CALN1: variants seen among roughly 807,000 people sequenced by gnomAD.
CALN1 encodes calcium-binding protein 8.
In CALN1, 17 loss-of-function variants were observed where a neutral mutation model predicts 30.6. The ratio of observed to expected loss-of-function variants is 0.56; its 90% confidence interval spans 0.38 to 0.83. CALN1 has a LOEUF of 0.83. CALN1 is among the 40% of genes least tolerant of loss of function. The pLI is 0.00. For missense variants in CALN1, 291 were observed against 354.9 expected, an observed-to-expected ratio of 0.82 and a Z score of 1.45; for synonymous variants, 156 against 131.4, an observed-to-expected ratio of 1.19 and a Z score of -1.28.
chr7:72,429,945 G>A (rs936442120), intron 1 of CALN1, among the ~76,000 whole-genome samples: 3 of 150,206 alleles, frequency 2.0e-5, no homozygotes. Context: ...TCTGCCTCCC[G>A]AGTAGCTGGG....
At chr7:72,463,718 G>T in the CALN1 span, among the ~76,000 whole-genome samples, 1 of 151,478 alleles carries the variant, frequency 6.6e-6, no homozygotes, top group East Asian at 2.0e-4. Flanking sequence ...CATCACTACC[G>T]CTGGCAAATT....
intron 5 of CALN1, among the ~76,000 whole-genome samples, chr7:72,006,320 A>G (rs891580335): frequency 3.3e-5 from 5 of 152,218 alleles, no homozygotes; most frequent in African/African-American, 1.2e-4. Context: ...AAGGCTTCTA[A>G]CAAGAAGAGC....
chr7:72,295,354 G>A (rs1798779841), intron 2 of CALN1, among the ~76,000 whole-genome samples: 1 of 152,048 alleles, frequency 6.6e-6, no homozygotes, highest in African/African-American at 2.4e-5. Context: ...TGTAGCAAAG[G>A]AGCATTCATA....
At chr7:72,435,607 GCT>G (rs1320622671) in intron 1 of CALN1, among the ~76,000 whole-genome samples, 1 of 152,168 alleles carries the variant, frequency 6.6e-6, no homozygotes, top group Non-Finnish European at 1.5e-5. Context: ...GGCCAGCAGC[GCT>G]CTGTGAATTT....
At chr7:71,788,885 C>A (rs1028598230) in intron 6 of CALN1, among the ~76,000 whole-genome samples, 3 of 152,052 alleles carry the variant, frequency 2.0e-5, no homozygotes, top group Non-Finnish European at 2.9e-5. Flanking sequence ...ATCTCGATCT[C>A]CTGACCTTGT....
chr7:72,097,408 G>C (rs1356925500), intron 4 of CALN1, among the ~76,000 whole-genome samples: 1 of 152,160 alleles, frequency 6.6e-6, no homozygotes, highest in Admixed American at 6.5e-5. Context: ...GAAGCTCTGA[G>C]ATCACCCAAA....
Position 71,785,153 on chromosome 7 carries a change from A to G in CALN1, c.*2622T>C, listed in dbSNP as rs757948487. 11 of 333,860 alleles carry G rather than the reference A, an allele frequency of 3.3e-5. No homozygotes were observed. Among genetic ancestry groups the G allele is most frequent in the Non-Finnish European group, 4.8e-5 (9 of 185,672 alleles). 20.7% of individuals were successfully genotyped at this position (333,860 alleles called of 1,614,324 possible). A position where few individuals can be genotyped will look rare whatever the true frequency, so the allele number is the denominator to read the frequency against. Reference sequence around the variant, plus strand: ...GAAGATAACTCCTAGGCTGTCAGAAAGAATTCTGTGTCTTCCTTCTTGCCA... The same window carrying G: ...GAAGATAACTCCTAGGCTGTCAGAAGGAATTCTGTGTCTTCCTTCTTGCCA... On this transcript the variant is annotated 3_prime_UTR_variant, in exon 7 of 7. Transcript: ENST00000395275.
chr7:72,061,190 C>T (rs1459663923), intron 4 of CALN1, among the ~76,000 whole-genome samples: 1 of 152,092 alleles, frequency 6.6e-6, no homozygotes, highest in Non-Finnish European at 1.5e-5. Flanking sequence ...TAAAGAAGAG[C>T]CGGGATCTCA....
chr7:72,385,472 A>G lies in CALN1; in HGVS notation c.119+17779T>C, dbSNP rs557728151. ...AATGGAATATTATTCAGTTATAAAA[A>G]GAAATGCCATATTGATATGGTTTGG... On this transcript the variant is annotated intron_variant, in intron 2 of 6. Transcript: ENST00000395275. Among the ~76,000 whole-genome samples the G allele has an allele frequency of 2.0e-5, 3 of 152,338 alleles. No homozygotes were observed. The South Asian group carries it at 6.2e-4, about 32-fold the overall frequency.
intron 4 of CALN1, among the ~76,000 whole-genome samples, chr7:72,054,617 G>A (rs987293380): frequency 6.6e-6 from 1 of 150,416 alleles, no homozygotes; most frequent in African/African-American, 2.4e-5. Context: ...GCAGGAACAT[G>A]AATGGAGCTG....
chr7:71,812,769 G>T (rs1021729315), intron 5 of CALN1, among the ~76,000 whole-genome samples: 10 of 151,782 alleles, frequency 6.6e-5, no homozygotes, highest in Non-Finnish European at 1.2e-4. Flanking sequence ...TTAGAGACAA[G>T]GTCTTGCTCG....
intron 3 of CALN1, among the ~76,000 whole-genome samples, chr7:72,273,099 C>T (rs1797103642): frequency 6.6e-6 from 1 of 151,660 alleles, no homozygotes; most frequent in Admixed American, 6.6e-5. Context: ...CTTCTGGAAA[C>T]TGGAGACGGC....
At chr7:71,906,126 T>C (rs973426456) in intron 5 of CALN1, among the ~76,000 whole-genome samples, 10 of 152,184 alleles carry the variant, frequency 6.6e-5, no homozygotes, top group Admixed American at 6.5e-5. Flanking sequence ...AAGATGAGAT[T>C]TGGGTAGGGA....
At chr7:72,084,513 C>T (rs1472158164) in intron 4 of CALN1, among the ~76,000 whole-genome samples, 1 of 151,808 alleles carries the variant, frequency 6.6e-6, no homozygotes, top group Non-Finnish European at 1.5e-5. Context: ...CACCCACCAC[C>T]ATGCCCAGCT....
chr7:72,270,335 TAA>T (rs1796895636), intron 3 of CALN1, among the ~76,000 whole-genome samples: 2 of 152,034 alleles, frequency 1.3e-5, no homozygotes, highest in African/African-American at 4.8e-5. Flanking sequence ...ACTAAATAAA[TAA>T]ATTCTAAATA....
At chr7:72,396,424 A>AT (rs1354591540) in intron 2 of CALN1, among the ~76,000 whole-genome samples, 1 of 147,024 alleles carries the variant, frequency 6.8e-6, no homozygotes, top group African/African-American at 2.5e-5. Context: ...CTCTGTCTCA[A>AT]AAAAAAAAAA....
intron 2 of CALN1, among the ~76,000 whole-genome samples, chr7:72,300,165 C>G (rs895522307): frequency 2.0e-5 from 3 of 152,194 alleles, no homozygotes; most frequent in African/African-American, 7.2e-5. Context: ...CAGGCATGAG[C>G]CACCATGCCC....
At chr7:72,197,645 C>T (rs1330464453) in intron 3 of CALN1, among the ~76,000 whole-genome samples, 1 of 151,924 alleles carries the variant, frequency 6.6e-6, no homozygotes, top group Non-Finnish European at 1.5e-5. Flanking sequence ...GCCTAGACAA[C>T]AATGTGAGTT....
At chr7:71,973,774 G>C (rs553203584) in intron 5 of CALN1, among the ~76,000 whole-genome samples, 60 of 152,070 alleles carry the variant, frequency 3.9e-4, no homozygotes, top group Non-Finnish European at 7.8e-4. Context: ...CCAAACAAAG[G>C]GTAAATAAAA....
Sources: gnomAD v4.1 joint callset for allele counts (sites outside exome capture counted in the v4.1 genomes callset) on GRCh38, gnomAD v4.1.1 for gene constraint, MANE v1.5 for transcripts, NCBI Gene and HGNC (gene_info 2026-07-23, HGNC 2026-07-21) for gene names.